SCAND3: variants seen among roughly 807,000 people sequenced by gnomAD.
SCAND3 encodes SCAN domain containing 3.
the SCAND3 span, among the ~76,000 whole-genome samples, chr6:28,581,103 G>C: frequency 6.6e-6 from 1 of 152,030 alleles, no homozygotes; most frequent in African/African-American, 2.4e-5. Flanking sequence ...TTGGGAGGCC[G>C]AGGTGGGAGG....
the SCAND3 span, among the ~76,000 whole-genome samples, chr6:28,578,370 A>G: frequency 6.6e-6 from 1 of 152,210 alleles, no homozygotes; most frequent in East Asian, 1.9e-4. Context: ...TTATAGGTAG[A>G]TGCAACAAGA....
At chr6:28,575,416 G>A in the SCAND3 span, 1 of 1,613,946 alleles carries the variant, frequency 6.2e-7, no homozygotes. This position sits in a 1 kb window ranked among gnomAD's most constrained non-coding sequence, Gnocchi z 4.2. Flanking sequence ...GACACTGGGT[G>A]CTCCAATAAT....
At chr6:28,575,846 G>C in the SCAND3 span, 3 of 1,614,034 alleles carry the variant, frequency 1.9e-6, no homozygotes, top group Non-Finnish European at 2.5e-6. This position sits in a 1 kb window ranked among gnomAD's most constrained non-coding sequence, Gnocchi z 4.2. Flanking sequence ...GCCTCAATTA[G>C]CTTCTCATTT....
chr6:28,610,988 G>C, the SCAND3 span, among the ~76,000 whole-genome samples: 1 of 152,132 alleles, frequency 6.6e-6, no homozygotes, highest in Non-Finnish European at 1.5e-5. Context: ...ATATTTCTAA[G>C]AGAATTCATT....
chr6:28,612,770 G>GT, the SCAND3 span, among the ~76,000 whole-genome samples: 1 of 152,188 alleles, frequency 6.6e-6, no homozygotes, highest in Non-Finnish European at 1.5e-5. Flanking sequence ...CCACACACAT[G>GT]TAACAGTGGT....
chr6:28,572,359 A>C, the SCAND3 span: 2 of 1,608,982 alleles, frequency 1.2e-6, no homozygotes, highest in Non-Finnish European at 1.7e-6. The surrounding 1 kb of genome is among the most constrained non-coding windows in gnomAD (Gnocchi z 4.1). Context: ...TTCACTGATA[A>C]CTTTTCGCAG....
At chr6:28,572,517 T>G in the SCAND3 span, 1 of 1,613,582 alleles carries the variant, frequency 6.2e-7, no homozygotes, top group South Asian at 1.1e-5. This position sits in a 1 kb window ranked among gnomAD's most constrained non-coding sequence, Gnocchi z 4.1. Context: ...AAAAATAAGT[T>G]GCATTCTTCC....
the SCAND3 span, among the ~76,000 whole-genome samples, chr6:28,582,972 G>A: frequency 1.3e-5 from 2 of 151,872 alleles, no homozygotes; most frequent in Admixed American, 6.6e-5. The surrounding 1 kb of genome is among the most constrained non-coding windows in gnomAD (Gnocchi z 4.8). Context: ...AAAAACTCTA[G>A]TAAAAATATA....
the SCAND3 span, among the ~76,000 whole-genome samples, chr6:28,580,763 A>G: frequency 6.6e-6 from 1 of 152,034 alleles, no homozygotes; most frequent in Non-Finnish European, 1.5e-5. Flanking sequence ...GATATGGTTC[A>G]TTGTGCTGAA....
At chr6:28,594,920 C>T in the SCAND3 span, among the ~76,000 whole-genome samples, 1 of 151,748 alleles carries the variant, frequency 6.6e-6, no homozygotes, top group African/African-American at 2.4e-5. Context: ...AGTTGTTAGT[C>T]AAAGTAGTAC....
chr6:28,586,323 C>A, the SCAND3 span: 2 of 1,609,886 alleles, frequency 1.2e-6, no homozygotes, highest in African/African-American at 2.7e-5. This position sits in a 1 kb window ranked among gnomAD's most constrained non-coding sequence, Gnocchi z 4.4. Flanking sequence ...ATCAAGCTCC[C>A]TCTCCAAATC....
the SCAND3 span, among the ~76,000 whole-genome samples, chr6:28,595,353 A>AAAAAAG: frequency 4.1e-5 from 6 of 144,744 alleles, no homozygotes; most frequent in African/African-American, 1.0e-4. Flanking sequence ...AAAAAAAAAA[A>AAAAAAG]AAGAAGAAGA....
chr6:28,614,473 CT>C, the SCAND3 span, among the ~76,000 whole-genome samples: 2 of 151,002 alleles, frequency 1.3e-5, no homozygotes, highest in South Asian at 4.2e-4. Flanking sequence ...TTTTTCTTTT[CT>C]TTTTTTTGGA....
chr6:28,592,432 A>G, the SCAND3 span, among the ~76,000 whole-genome samples: 5 of 152,212 alleles, frequency 3.3e-5, no homozygotes, highest in South Asian at 1.0e-3. This position sits in a 1 kb window ranked among gnomAD's most constrained non-coding sequence, Gnocchi z 4.1. Context: ...TAAAATGACA[A>G]AAACACAAAT....
the SCAND3 span, chr6:28,579,262 T>C: frequency 2.5e-6 from 4 of 1,610,266 alleles, no homozygotes; most frequent in Non-Finnish European, 3.4e-6. This position sits in a 1 kb window ranked among gnomAD's most constrained non-coding sequence, Gnocchi z 4.5. Context: ...TAGAACTAAA[T>C]TATTCTCACC....
the SCAND3 span, among the ~76,000 whole-genome samples, chr6:28,581,210 T>C: frequency 6.6e-6 from 1 of 151,972 alleles, no homozygotes; most frequent in Non-Finnish European, 1.5e-5. Flanking sequence ...TGGTAGCACA[T>C]ATCTGTGGTC....
At chr6:28,591,306 T>G in the SCAND3 span, 3 of 152,192 alleles carry the variant, frequency 2.0e-5, no homozygotes. Flanking sequence ...TGGGAGCATA[T>G]GTAGATGCTC....
chr6:28,578,493 A>T, the SCAND3 span, among the ~76,000 whole-genome samples: 2 of 152,222 alleles, frequency 1.3e-5, no homozygotes, highest in Non-Finnish European at 2.9e-5. Flanking sequence ...ATAATAAAAT[A>T]ACAATAATGG....
the SCAND3 span, chr6:28,572,164 T>C: frequency 6.2e-7 from 1 of 1,614,060 alleles, no homozygotes; most frequent in East Asian, 2.2e-5. The surrounding 1 kb of genome is among the most constrained non-coding windows in gnomAD (Gnocchi z 4.1). Flanking sequence ...TGATGCTGTA[T>C]TTTCAAAACT....
Sources: allele counts gnomAD v4.1 joint callset (sites outside exome capture counted in the v4.1 genomes callset), GRCh38; gene constraint gnomAD v4.1.1; non-coding constraint Gnocchi (gnomAD v3.1); transcripts MANE v1.5; gene names NCBI Gene and HGNC (gene_info 2026-07-23, HGNC 2026-07-21).